BRINP2: variants seen among roughly 807,000 people sequenced by gnomAD.
BRINP2 encodes the protein BMP/retinoic acid-inducible neural-specific protein 2.
BRINP2 carries 21 observed loss-of-function variants against 69.2 expected under a neutral mutation model. The ratio of observed to expected loss-of-function variants is 0.30; its 90% CI spans 0.22 to 0.44. The LOEUF is 0.44. Ranked by LOEUF, BRINP2 falls within the 20% of genes least tolerant of loss-of-function variation. BRINP2 has a pLI of 1.00. For synonymous variants in BRINP2, 380 were observed against 394.1 expected, an observed-to-expected ratio of 0.96 and a Z score of 0.42; for missense variants, 877 against 986.0, an observed-to-expected ratio of 0.89 and a Z score of 1.48.
In BRINP2 at chr1:177,222,087, C is replaced by T. The variant is rs148456349; in HGVS notation, c.-76-7714C>T. Among the ~76,000 whole-genome samples the T allele has an allele frequency of 1.6e-4, 25 of 152,282 alleles. No individual in the cohort carries two copies. The East Asian group carries it at 4.6e-3, about 28-fold the overall frequency. On this transcript the variant is annotated intron_variant, in intron 1 of 7. Coordinates refer to ENST00000361539, the MANE Select transcript of BRINP2 (RefSeq NM_021165.4). The stretch of plus-strand genomic sequence containing the variant: ...GGTTATTCAGAGTGACCTGGAGAAA[C>T]CTCTAAAAGGCTAAAATGAGGAAAC...
Position 177,257,176 on chromosome 1 carries a change from G to A in BRINP2, c.461G>A (p.Gly154Glu). ...AATACACTCGTGTTGTTCACCATAG[G>A]AGAAGAGTCCCTGACCATTTTTGTG... is the stretch of plus-strand genomic sequence containing the variant. The part of the protein sequence containing the change: ...THFLLSATLG[G>E]EESLTIFVDK... The change falls in exon 4 of 8, where the codon GGA (glycine) becomes GAA (glutamate). Residue 154 changes from glycine (G) to glutamate (E), a missense_variant and splice_region_variant. Around this residue, in one of 3 missense-constraint regions of BRINP2, gnomAD observed 566 missense variants for 625.2 expected, o/e 0.91. Transcript: ENST00000361539. 6.2e-7 allele frequency: 1 copy of A among 1,613,936 alleles called. No individual in the cohort carries two copies. The highest frequency in any genetic ancestry group is 8.5e-7 in the Non-Finnish European group (1 of 1,179,946).
chr1:177,185,283 T>G (rs1164417294), intron 1 of BRINP2, among the ~76,000 whole-genome samples: 1 of 152,198 alleles, frequency 6.6e-6, no homozygotes, highest in Non-Finnish European at 1.5e-5. Flanking sequence ...GAAACATGTT[T>G]TATCTTTGTT....
chr1:177,217,220 T>C (rs1649406430), intron 1 of BRINP2, among the ~76,000 whole-genome samples: 1 of 152,102 alleles, frequency 6.6e-6, no homozygotes, highest in Admixed American at 6.5e-5. Flanking sequence ...TTTACTCCTC[T>C]GATTGGGTAA....
Position 177,221,000 on chromosome 1 carries a change from T to G in BRINP2, c.-76-8801T>G, listed in dbSNP as rs16850951. The stretch of plus-strand genomic sequence containing the variant: ...TTGTAGGTGAATCCTGCTTGTGTAC[T>G]TTAAGATTTTAGACTTTTCTTCAAT... On this transcript the variant is annotated intron_variant, in intron 1 of 7. Coordinates refer to ENST00000361539, the MANE Select transcript of BRINP2 (RefSeq NM_021165.4). Among the ~76,000 whole-genome samples the G allele has an allele frequency of 5.8e-3, 877 of 152,346 alleles. 13 individuals carry two copies. Among genetic ancestry groups the G allele is most frequent in the African/African-American group, 0.02 (844 of 41,582 alleles).
At position 177,278,625 on chromosome 1, in the gene BRINP2, T is replaced by G. The variant is rs1287965576; in HGVS notation, c.1075T>G (p.Ser359Ala). The G allele has an allele frequency of 4.3e-6, 7 of 1,614,142 alleles. No homozygotes were observed. Among genetic ancestry groups the G allele is most frequent in the Non-Finnish European group, 5.9e-6 (7 of 1,180,032 alleles). Reference protein sequence around the residue: ...DDRFLNSTAISQFWAMDTSLQ... With the variant: ...DDRFLNSTAIAQFWAMDTSLQ... ...CCGGTTCCTGAACTCCACAGCTATC[T>G]CCCAGTTCTGGGCCATGGACACCAG... Residue 359 changes from serine (S) to alanine (A), a missense_variant, in exon 7 of 8, where the codon TCC becomes GCC. By Grantham distance (99) the Ser-to-Ala change is moderately conservative. Coordinates refer to ENST00000361539, the MANE Select transcript of BRINP2 (RefSeq NM_021165.4).
chr1:177,257,144 C>T lies in BRINP2; in HGVS notation c.461-32C>T, dbSNP rs367955839. On this transcript the variant is annotated intron_variant, in intron 3 of 7. Coordinates refer to ENST00000361539, the MANE Select transcript of BRINP2 (RefSeq NM_021165.4). Reference sequence around the variant, plus strand: ...TGGTAGGGGATTCGAGAGCAGAGAGCGTCACCAATACACTCGTGTTGTTCA... The same window carrying T: ...TGGTAGGGGATTCGAGAGCAGAGAGTGTCACCAATACACTCGTGTTGTTCA... 6.2e-6 allele frequency: 10 copies of T among 1,609,282 alleles called. No homozygotes were observed. In the African/African-American group the frequency reaches 9.4e-5, roughly 15 times the overall value.
chr1:177,201,333 A>T (rs1416064919), intron 1 of BRINP2, among the ~76,000 whole-genome samples: 1 of 152,186 alleles, frequency 6.6e-6, no homozygotes, highest in Non-Finnish European at 1.5e-5. Context: ...CTTGGACAGG[A>T]CGCTTCAGGC....
At chr1:177,200,319 A>AAAAAAAAAAAAAAAAC (rs1170643038) in intron 1 of BRINP2, among the ~76,000 whole-genome samples, 1 of 149,544 alleles carries the variant, frequency 6.7e-6, no homozygotes, top group Non-Finnish European at 1.5e-5. Context: ...AAAAAAAAAA[A>AAAAAAAAAAAAAAAAC]AAAGAATGCA....
intron 1 of BRINP2, among the ~76,000 whole-genome samples, chr1:177,181,523 G>T (rs1245687666): frequency 1.3e-5 from 2 of 152,216 alleles, no homozygotes; most frequent in African/African-American, 4.8e-5. Context: ...GCAGGCCGGG[G>T]GACTGGGTTT....
rs780568954 is a variant in BRINP2, at chr1:177,278,602, G to A, written c.1052G>A (p.Arg351Gln). 1.6e-5 allele frequency: 26 copies of A among 1,614,030 alleles called. No homozygotes were observed. The highest frequency in any genetic ancestry group is 2.2e-5 in the East Asian group (1 of 44,882). Reference protein sequence around the residue: ...QALLKRLPDDRFLNSTAISQF... With the variant: ...QALLKRLPDDQFLNSTAISQF... Reference sequence around the variant, plus strand: ...CTGCTGAAAAGGCTGCCCGATGACCGGTTCCTGAACTCCACAGCTATCTCC... The same window carrying A: ...CTGCTGAAAAGGCTGCCCGATGACCAGTTCCTGAACTCCACAGCTATCTCC... Residue 351 changes from arginine to glutamine, a missense_variant, in exon 7 of 8, where the codon CGG becomes CAG. Coordinates refer to ENST00000361539, the MANE Select transcript of BRINP2 (RefSeq NM_021165.4).
chr1:177,238,583 CAA>C (rs940817262), intron 2 of BRINP2, among the ~76,000 whole-genome samples: 3 of 152,130 alleles, frequency 2.0e-5, no homozygotes, highest in African/African-American at 7.2e-5. Flanking sequence ...GTCCAAGAGA[CAA>C]GAGCCTTTTG....
At chr1:177,257,471 G>A (rs1342704558) in intron 4 of BRINP2, 87 bp downstream of exon 4, 1 of 1,283,176 alleles carries the variant, frequency 7.8e-7, no homozygotes, top group African/African-American at 1.5e-5. Flanking sequence ...CTCTAGGTCA[G>A]CTGGGCCGAC....
rs147553727 is a variant in BRINP2 at position 177,276,417 on chromosome 1, G to T, written c.995G>T (p.Arg332Leu). 1 of 1,614,098 alleles carries T rather than the reference G, an allele frequency of 6.2e-7. No homozygotes were observed. Among genetic ancestry groups the T allele is most frequent in the South Asian group, 1.1e-5 (1 of 91,072 alleles). The change falls in exon 6 of 8, where the codon CGG (arginine) becomes CTG (leucine). Residue 332 changes from arginine (R) to leucine (L), a missense_variant. Transcript: ENST00000361539. ...QIQDSWATHN[R>L]QFEESEEFQA... ...CAGGACTCCTGGGCCACTCACAACC[G>T]GCAGTTTGAAGAGTCAGGTGAGCAG...
intron 6 of BRINP2, among the ~76,000 whole-genome samples, chr1:177,277,597 C>T (rs1208508022): frequency 6.6e-6 from 1 of 151,558 alleles, no homozygotes; most frequent in Non-Finnish European, 1.5e-5. Flanking sequence ...GAACCAGGTA[C>T]ATGAGAAATC....
At chr1:177,205,139 C>A (rs181325974) in intron 1 of BRINP2, among the ~76,000 whole-genome samples, 1 of 152,094 alleles carries the variant, frequency 6.6e-6, no homozygotes, top group African/African-American at 2.4e-5. Context: ...TTCACCTATA[C>A]TTTTTTTGTT....
Position 177,178,836 on chromosome 1 carries a change from C to G in BRINP2, c.-77+7104C>G, listed in dbSNP as rs147115508. 3.3e-3 allele frequency among the ~76,000 whole-genome samples: 499 copies of G among 152,260 alleles called. 2 individuals carry two copies. The highest frequency in any genetic ancestry group is 2.5e-3 in the Non-Finnish European group (173 of 68,034). On this transcript the variant is annotated intron_variant, in intron 1 of 7. Coordinates refer to ENST00000361539, the MANE Select transcript of BRINP2 (RefSeq NM_021165.4). ...CAGCAACACAGATAAAAGGTCTGCC[C>G]TCAAGTTGCTTCCATTCTAGACAGA... is the stretch of plus-strand genomic sequence containing the variant.
At chr1:177,265,606 A>G (rs911504136) in intron 4 of BRINP2, among the ~76,000 whole-genome samples, 1 of 152,108 alleles carries the variant, frequency 6.6e-6, no homozygotes, top group African/African-American at 2.4e-5. Flanking sequence ...AGTGGCTCCA[A>G]ACTGTACATG....
At chr1:177,187,195 C>T (rs147741414) in intron 1 of BRINP2, among the ~76,000 whole-genome samples, 6 of 151,628 alleles carry the variant, frequency 4.0e-5, no homozygotes, top group Non-Finnish European at 8.8e-5. Context: ...TGTGGCTTCT[C>T]TAACTCAACT....
chr1:177,242,477 C>T (rs1433290807), intron 2 of BRINP2, among the ~76,000 whole-genome samples: 2 of 152,144 alleles, frequency 1.3e-5, no homozygotes, highest in Non-Finnish European at 2.9e-5. Context: ...TGTCCTGTGT[C>T]TTTCCATAAC....
Sources: allele counts gnomAD v4.1 joint callset (sites outside exome capture counted in the v4.1 genomes callset), GRCh38; gene constraint gnomAD v4.1.1; regional missense constraint gnomAD v4.1.1; transcripts MANE v1.5; gene names NCBI Gene and HGNC (gene_info 2026-07-23, HGNC 2026-07-21).